ANKS1B: variants seen among roughly 807,000 people sequenced by gnomAD.
The protein encoded by ANKS1B is ankyrin repeat and sterile alpha motif domain containing 1B.
In ANKS1B, 36 loss-of-function variants were observed where a neutral mutation model predicts 148.3. The ratio of observed to expected loss-of-function variants is 0.24; its 90% confidence interval spans 0.19 to 0.32. The LOEUF is 0.32. ANKS1B is among the 10% of genes least tolerant of loss of function. The pLI, the probability that ANKS1B is intolerant of heterozygous loss-of-function variation, is 1.00. For missense variants in ANKS1B, 1,157 were observed against 1,542.6 expected, an observed-to-expected ratio of 0.75 and a Z score of 4.19; for synonymous variants, 542 against 560.8, an observed-to-expected ratio of 0.97 and a Z score of 0.47.
chr12:99,504,516 A>C lies in ANKS1B; in HGVS notation c.1398T>G (p.Pro466=). ...DLMDTAVTKK[P]CSLEIARAPS... ...GTGCCCTTGCAATTTCTAAGGAGCA[A>C]GGTTTCTTTGTAACAGCTGTGTCCA... Residue 466 remains proline (P), a synonymous_variant, in exon 10 of 27, where the codon CCT becomes CCG. Coordinates refer to ENST00000683438, the MANE Select transcript of ANKS1B (RefSeq NM_001352186.2). 1.2e-6 allele frequency: 2 copies of C among 1,612,652 alleles called. No individual in the cohort carries two copies. Among genetic ancestry groups the C allele is most frequent in the Non-Finnish European group, 1.7e-6 (2 of 1,179,442 alleles).
chr12:99,795,762 G>A (rs578040312), intron 4 of ANKS1B, among the ~76,000 whole-genome samples: 17 of 151,898 alleles, frequency 1.1e-4, no homozygotes, highest in Non-Finnish European at 2.4e-4. Flanking sequence ...TACTGAACCC[G>A]AATGCCATCA....
intron 22 of ANKS1B, chr12:98,794,995 T>C: frequency 2.1e-6 from 2 of 958,514 alleles, no homozygotes; most frequent in Non-Finnish European, 3.4e-6. Context: ...ATTTCTTTTA[T>C]GAACATTTGA....
chr12:98,914,305 A>C (rs2152858986), intron 17 of ANKS1B, among the ~76,000 whole-genome samples: 1 of 152,278 alleles, frequency 6.6e-6, no homozygotes, highest in Admixed American at 6.5e-5. Context: ...AGCACATGCC[A>C]GCACCATTCT....
At chr12:98,798,225 G>A (rs972674457) in intron 22 of ANKS1B, among the ~76,000 whole-genome samples, 18 of 151,556 alleles carry the variant, frequency 1.2e-4, no homozygotes, top group East Asian at 1.9e-4. Flanking sequence ...AGGTTCAAGC[G>A]ATTCTCCTGC....
intron 8 of ANKS1B, among the ~76,000 whole-genome samples, chr12:99,730,565 T>C (rs79372235): frequency 0.017 from 2,572 of 152,010 alleles, 69 homozygotes; most frequent in African/African-American, 0.059. Context: ...ATCTCATGAG[T>C]GGGGAGCTGT....
At chr12:99,433,390 G>A (rs1470787509) in intron 11 of ANKS1B, among the ~76,000 whole-genome samples, 2 of 152,154 alleles carry the variant, frequency 1.3e-5, no homozygotes, top group Admixed American at 6.5e-5. Context: ...TAGAACTCAT[G>A]TACAAATAAA....
At chr12:99,636,892 A>C (rs1459824755) in intron 9 of ANKS1B, among the ~76,000 whole-genome samples, 1 of 152,248 alleles carries the variant, frequency 6.6e-6, no homozygotes, top group Non-Finnish European at 1.5e-5. Flanking sequence ...AATTCTTTGA[A>C]AAATATAAGA....
chr12:99,548,506 C>G (rs1307876326), intron 9 of ANKS1B, among the ~76,000 whole-genome samples: 1 of 152,006 alleles, frequency 6.6e-6, no homozygotes, highest in Non-Finnish European at 1.5e-5. Flanking sequence ...CTACAAAATA[C>G]CTTTTGCATC....
downstream of ANKS1B, among the ~76,000 whole-genome samples, chr12:98,742,339 T>C (rs1377672007): frequency 6.6e-6 from 1 of 151,372 alleles, no homozygotes; most frequent in African/African-American, 2.4e-5. Context: ...TAAATGCCCA[T>C]GCAGCTTTTT....
intron 17 of ANKS1B, among the ~76,000 whole-genome samples, chr12:98,853,050 A>C (rs2099539882): frequency 6.6e-6 from 1 of 152,224 alleles, no homozygotes; most frequent in Admixed American, 6.5e-5. Context: ...GGAATTCTAG[A>C]ACACTGTAAA....
chr12:99,150,467 A>C (rs2074526208), intron 15 of ANKS1B, among the ~76,000 whole-genome samples: 1 of 152,122 alleles, frequency 6.6e-6, no homozygotes, highest in African/African-American at 2.4e-5. Flanking sequence ...AAAGCTACCT[A>C]AACTAGGCAA....
At chr12:98,794,861 A>C in intron 22 of ANKS1B, 2 of 1,604,540 alleles carry the variant, frequency 1.2e-6, no homozygotes, top group Non-Finnish European at 1.7e-6. Context: ...AAAGAAGTCA[A>C]GCAAAACATC....
chr12:99,523,049 G>C (rs1257451389), intron 9 of ANKS1B, among the ~76,000 whole-genome samples: 1 of 152,160 alleles, frequency 6.6e-6, no homozygotes, highest in Non-Finnish European at 1.5e-5. Context: ...CAGAAATTAG[G>C]TGGCCTAGAG....
chr12:99,356,035 G>A (rs1238247994), intron 12 of ANKS1B, among the ~76,000 whole-genome samples: 1 of 152,064 alleles, frequency 6.6e-6, no homozygotes, highest in East Asian at 1.9e-4. Flanking sequence ...TAAAGAATTA[G>A]CAACTACAAC....
intron 15 of ANKS1B, among the ~76,000 whole-genome samples, chr12:99,115,067 T>C (rs1176885925): frequency 6.6e-6 from 1 of 152,160 alleles, no homozygotes; most frequent in African/African-American, 2.4e-5. Flanking sequence ...AGTACGGTAA[T>C]TCCTTAAAGA....
At chr12:99,776,400 AG>A (rs1202165525) in intron 6 of ANKS1B, among the ~76,000 whole-genome samples, 1 of 152,226 alleles carries the variant, frequency 6.6e-6, no homozygotes, top group African/African-American at 2.4e-5. Context: ...AAAGATTACA[AG>A]TAAAGGAGGA....
At chr12:99,806,251 A>G (rs1000253132) in intron 4 of ANKS1B, among the ~76,000 whole-genome samples, 153 bp downstream of exon 4, 1 of 152,188 alleles carries the variant, frequency 6.6e-6, no homozygotes, top group Non-Finnish European at 1.5e-5. Flanking sequence ...ATATTTCCCA[A>G]AAGTAGGTGG....
intron 25 of ANKS1B, among the ~76,000 whole-genome samples, chr12:98,753,592 T>C (rs2098151042): frequency 6.6e-6 from 1 of 152,136 alleles, no homozygotes; most frequent in Non-Finnish European, 1.5e-5. Context: ...CATGCCCAGC[T>C]AATTTTGTAT....
At chr12:99,083,883 T>C (rs1223622912) in intron 16 of ANKS1B, 1 of 152,154 alleles carries the variant, frequency 6.6e-6, no homozygotes, top group Non-Finnish European at 1.5e-5. Context: ...ATCGGGCACG[T>C]TCAGGTTGGT....
Sources: allele counts gnomAD v4.1 joint callset (sites outside exome capture counted in the v4.1 genomes callset), GRCh38; gene constraint gnomAD v4.1.1; transcripts MANE v1.5; gene names NCBI Gene and HGNC (gene_info 2026-07-23, HGNC 2026-07-21).